The following PAQR5 variants were observed in gnomAD, a reference collection of about 807,000 sequenced individuals.
PAQR5 encodes the protein progestin and adipoQ receptor family member 5.
PAQR5 carries 20 observed loss-of-function variants against 34.5 expected under a neutral mutation model. The ratio of observed to expected loss-of-function variants is 0.58; its 90% CI spans 0.41 to 0.84. PAQR5 has a LOEUF of 0.84. Ranked by LOEUF, PAQR5 falls within the 40% of genes least tolerant of loss-of-function variation. The pLI, the probability that PAQR5 is intolerant of heterozygous loss-of-function variation, is 0.00. For missense variants in PAQR5, 378 were observed against 412.7 expected, an observed-to-expected ratio of 0.92 and a Z score of 0.73; for synonymous variants, 131 against 155.6, an observed-to-expected ratio of 0.84 and a Z score of 1.18.
At chr15:69,309,698 C>T (rs181545138) in intron 1 of PAQR5, among the ~76,000 whole-genome samples, 135 of 152,238 alleles carry the variant, frequency 8.9e-4, no homozygotes, top group African/African-American at 3.0e-3. Flanking sequence ...TCTGCCCCTG[C>T]GTCTTAATTT....
intron 2 of PAQR5, among the ~76,000 whole-genome samples, chr15:69,341,833 A>G (rs567230254): frequency 6.6e-6 from 1 of 151,296 alleles, no homozygotes; most frequent in Admixed American, 6.6e-5. Flanking sequence ...GGTCCCAGAT[A>G]CTTAGGAGGC....
intron 3 of PAQR5, chr15:69,379,616 C>T (rs1227819915): frequency 1.4e-5 from 14 of 981,954 alleles, no homozygotes; most frequent in South Asian, 9.4e-5. Context: ...AGAGTAAGTA[C>T]GCCGGGGAAT....
At chr15:69,348,668 T>C (rs771067783) in intron 2 of PAQR5, among the ~76,000 whole-genome samples, 58 of 152,114 alleles carry the variant, frequency 3.8e-4, no homozygotes, top group Non-Finnish European at 7.4e-4. Context: ...CATATAGTAC[T>C]AGACTCCAGA....
intron 6 of PAQR5, among the ~76,000 whole-genome samples, chr15:69,394,156 T>C (rs560980715): frequency 6.6e-6 from 1 of 151,040 alleles, no homozygotes; most frequent in South Asian, 2.1e-4. Context: ...GTGAAAAACC[T>C]CCTGGTCAGA....
intron 1 of PAQR5, among the ~76,000 whole-genome samples, chr15:69,326,376 A>G (rs1312429179): frequency 6.6e-6 from 1 of 151,500 alleles, no homozygotes; most frequent in Non-Finnish European, 1.5e-5. Flanking sequence ...CAGGGCTGTT[A>G]GATCTTCAGA....
intron 2 of PAQR5, among the ~76,000 whole-genome samples, chr15:69,358,011 C>G (rs1399933903): frequency 6.6e-6 from 1 of 152,108 alleles, no homozygotes; most frequent in Non-Finnish European, 1.5e-5. Flanking sequence ...TACATACAAG[C>G]AAGGTCTCTG....
intron 2 of PAQR5, among the ~76,000 whole-genome samples, chr15:69,350,215 C>A (rs577253230): frequency 6.6e-6 from 1 of 152,320 alleles, no homozygotes; most frequent in Non-Finnish European, 1.5e-5. Context: ...GGCAGAGAAC[C>A]AATCAGAATC....
At position 69,385,626 on chromosome 15, in the gene PAQR5, T is replaced by C. The variant is rs1595924838; in HGVS notation, c.385+744T>C. 6.6e-6 allele frequency among the ~76,000 whole-genome samples: 1 copy of C among 152,096 alleles called. No individual in the cohort carries two copies. The highest frequency in any genetic ancestry group is 2.4e-5 in the African/African-American group (1 of 41,392). ...ATGCATCTATCCCTAAGGATATGAG[T>C]TCTAGATTCTTCCTCCAGGTCCCAT... On this transcript the variant is annotated intron_variant, in intron 5 of 8. Coordinates refer to ENST00000395407, the MANE Select transcript of PAQR5 (RefSeq NM_017705.4). This position sits in a 1 kb window ranked among gnomAD's most constrained non-coding sequence, Gnocchi z 4.7.
rs145215811 is a variant in PAQR5, at chr15:69,319,525, G to A, written c.-276-17816G>A. On this transcript the variant is annotated intron_variant, in intron 1 of 8. Coordinates refer to ENST00000395407, the MANE Select transcript of PAQR5 (RefSeq NM_017705.4). ...GGGTGATCCCCAGGCAGCACCCCAA[G>A]GGACCCTGATTCAGAAGGTTCGAGA... Among the ~76,000 whole-genome samples the A allele has an allele frequency of 1.0e-3, 159 of 151,964 alleles. 1 individual carries two copies. The highest frequency in any genetic ancestry group is 0.01 in the Middle Eastern group (3 of 294).
chr15:69,324,141 AAAAG>A (rs1239556991), intron 1 of PAQR5, among the ~76,000 whole-genome samples: 2 of 144,852 alleles, frequency 1.4e-5, no homozygotes, highest in Non-Finnish European at 3.0e-5. Context: ...AAAAAAAAAA[AAAAG>A]AAAAAAGAAA....
intron 2 of PAQR5, among the ~76,000 whole-genome samples, chr15:69,347,036 GGT>G (rs2054793581): frequency 6.6e-6 from 1 of 152,010 alleles, no homozygotes; most frequent in Admixed American, 6.6e-5. Flanking sequence ...TGGCCAGGCC[GGT>G]CTCAGACTCC....
chr15:69,392,329 G>A (rs2056298236), intron 6 of PAQR5, among the ~76,000 whole-genome samples: 1 of 152,118 alleles, frequency 6.6e-6, no homozygotes, highest in African/African-American at 2.4e-5. Context: ...AGATATAACG[G>A]ATGGGGTCTT....
In PAQR5 at chr15:69,378,264, T is replaced by TAAAAAAAAA. The variant is rs71149912; in HGVS notation, c.52-1601_52-1593dup. ...TGGGCAACAAAATGAGACTCCATCT[T>TAAAAAAAAA]AAAAAAAAAAAAAAAAAAAAAAAAA... is the stretch of plus-strand genomic sequence containing the variant. On this transcript the variant is annotated intron_variant, in intron 3 of 8. Transcript: ENST00000395407. Among the ~76,000 whole-genome samples the TAAAAAAAAA allele has an allele frequency of 5.0e-4, 30 of 59,690 alleles. 3 individuals are homozygous for TAAAAAAAAA. Among genetic ancestry groups the TAAAAAAAAA allele is most frequent in the African/African-American group, 1.7e-3 (20 of 11,862 alleles). The allele number at this position is 59,690 out of a possible 152,430, so 39.2% of individuals were successfully genotyped here.
intron 1 of PAQR5, among the ~76,000 whole-genome samples, chr15:69,304,900 T>C (rs1324742497): frequency 2.0e-5 from 3 of 152,192 alleles, no homozygotes; most frequent in African/African-American, 7.2e-5. Context: ...TTGCCACTTG[T>C]TTTGGAGTTG....
chr15:69,359,982 C>T lies in PAQR5; in HGVS notation c.-99C>T. The T allele has an allele frequency of 1.1e-6, 1 of 888,940 alleles. No homozygotes were observed. Among genetic ancestry groups the T allele is most frequent in the Admixed American group, 1.9e-5 (1 of 53,314 alleles). 55.1% of individuals were successfully genotyped at this position (888,940 alleles called of 1,614,324 possible). Reference sequence around the variant, plus strand: ...CTCTTTCAGGGAAGCGGCACAGCACCAGCTAGGCAGAGACGCCCCAGGCCA... The same window carrying T: ...CTCTTTCAGGGAAGCGGCACAGCACTAGCTAGGCAGAGACGCCCCAGGCCA... On this transcript the variant is annotated 5_prime_UTR_variant, in exon 3 of 9. Transcript: ENST00000395407.
chr15:69,346,692 G>A (rs1215776861), intron 2 of PAQR5, among the ~76,000 whole-genome samples: 1 of 151,038 alleles, frequency 6.6e-6, no homozygotes, highest in Non-Finnish European at 1.5e-5. Flanking sequence ...CATGATCTTG[G>A]CTCACTGCAA....
intron 1 of PAQR5, among the ~76,000 whole-genome samples, chr15:69,335,101 G>A (rs1000789832): frequency 5.9e-5 from 9 of 151,722 alleles, no homozygotes; most frequent in African/African-American, 1.7e-4. Flanking sequence ...GCAGGTGCCT[G>A]TAATCCCAGC....
rs1205509558 is a variant in PAQR5 at position 69,322,753 on chromosome 15, AAGAAGAAGAAGAAGAAGAGGG to A, written c.-276-14575_-276-14555del. ...GAAGAAGAAGAAGAAGAAGAAGAAGAAGAAGAAGAAGAAGAAGAGGGAGAAGAAGAAGACGAGGAAGAAGAA... is the reference window on the plus strand; with the variant it reads ...GAAGAAGAAGAAGAAGAAGAAGAAGAAGAAGAAGAAGACGAGGAAGAAGAA... On this transcript the variant is annotated intron_variant, in intron 1 of 8. Transcript: ENST00000395407. Among the ~76,000 whole-genome samples, 103 of 41,206 alleles carry A rather than the reference AAGAAGAAGAAGAAGAAGAGGG, an allele frequency of 2.5e-3. 5 individuals are homozygous for A. Among genetic ancestry groups the A allele is most frequent in the East Asian group, 0.013 (14 of 1,060 alleles). The allele number at this position is 41,206 out of a possible 152,430, so 27.0% of individuals were successfully genotyped here.
chr15:69,303,970 T>G (rs1051484906), intron 1 of PAQR5, among the ~76,000 whole-genome samples: 5 of 152,182 alleles, frequency 3.3e-5, no homozygotes, highest in Admixed American at 3.3e-4. Context: ...CACCTGAACC[T>G]TGGAGCTGGG....
Sources: allele counts gnomAD v4.1 joint callset (sites outside exome capture counted in the v4.1 genomes callset), GRCh38; gene constraint gnomAD v4.1.1; non-coding constraint Gnocchi (gnomAD v3.1); transcripts MANE v1.5; gene names NCBI Gene and HGNC (gene_info 2026-07-23, HGNC 2026-07-21).